Variants in HOXA7 observed in about 807,000 individuals in gnomAD.
HOXA7 encodes the protein homeobox protein Hox-A7.
Under a neutral mutation model 16.8 loss-of-function variants are expected in HOXA7, and 16 were observed. The observed-to-expected ratio is 0.95, with a 90% CI of 0.64 to 1.44. The LOEUF (loss-of-function observed/expected upper bound fraction) is 1.44, where lower values mean the gene tolerates loss of function less well. HOXA7 is among the 40% of genes most tolerant of loss of function. The probability of loss-of-function intolerance (pLI) is 0.00; values close to 1 mark genes in which losing one functional copy is unlikely to be tolerated. For synonymous variants in HOXA7, 169 were observed against 144.3 expected (o/e 1.17, Z -1.23); for missense variants, 379 against 328.6 (o/e 1.15, Z -1.19).
chr7:27,156,183 G>T lies in HOXA7; in HGVS notation c.363C>A (p.Pro121=). The T allele has an allele frequency of 1.9e-6, 3 of 1,576,234 alleles. No homozygotes were observed. The highest frequency in any genetic ancestry group is 2.3e-5 in the South Asian group (2 of 88,072). ...TGCGCCTACCTGAAGACCGCATCCA[G>T]GGGTAGATGCGGAAATTGGCCTCAG... ...GAAEANFRIY[P]WMRSSGPDRK... is the part of the protein sequence containing the mutation. Residue 121 remains proline (P), a synonymous_variant, in exon 1 of 2, where the codon CCC becomes CCA. Transcript: ENST00000242159.
Position 27,154,883 on chromosome 7 carries a change from T to G in HOXA7, c.*26A>C, listed in dbSNP as rs1301290587. 5.0e-6 allele frequency: 8 copies of G among 1,594,652 alleles called. No individual in the cohort carries two copies. Among genetic ancestry groups the G allele is most frequent in the Non-Finnish European group, 6.8e-6 (8 of 1,168,314 alleles). On this transcript the variant is annotated 3_prime_UTR_variant, in exon 2 of 2. Transcript: ENST00000242159. The stretch of plus-strand genomic sequence containing the variant: ...TAAAGACGCTTTTCCGACTGTCCGG[T>G]GCAGAGAGGGCCCCGGATCGGCCCC...
At position 27,156,573 on chromosome 7, in the gene HOXA7, C is replaced by A. The variant is rs1783114043; in HGVS notation, c.-28G>T. ...TTTTGACCTGTGATTTGTTGTCCGG[C>A]AGCTTTCAGTGTCGGTTTTACGAGG... On this transcript the variant is annotated 5_prime_UTR_variant, in exon 1 of 2. Transcript: ENST00000242159. 6.5e-7 allele frequency: 1 copy of A among 1,544,020 alleles called. No homozygotes were observed. The highest frequency in any genetic ancestry group is 8.7e-7 in the Non-Finnish European group (1 of 1,142,916).
chr7:27,156,093 C>CGCGCTCCCCAGCGCT (rs996182724), intron 1 of HOXA7, 74 bp downstream of exon 1: 5 of 1,376,796 alleles, frequency 3.6e-6, no homozygotes, highest in Non-Finnish European at 3.7e-6. Flanking sequence ...CCCCGCGCTC[C>CGCGCTCCCCAGCGCT]GCGCTCCCCA....
Position 27,156,332 on chromosome 7 carries a change from GGCC to G in HOXA7, c.211_213del (p.Gly71del). 1 of 1,614,026 alleles carries G rather than the reference GGCC, an allele frequency of 6.2e-7. No homozygotes were observed. Among genetic ancestry groups the G allele is most frequent in the Non-Finnish European group, 8.5e-7 (1 of 1,179,998 alleles). The stretch of plus-strand genomic sequence containing the variant: ...AGGTTGCCGTAGGCGTCGGCGCCCA[GGCC>G]GTAGCCGGACGCAAAGGGGCTCTGA... On this transcript the variant is annotated inframe_deletion, in exon 1 of 2. Transcript: ENST00000242159.
chr7:27,155,353 C>T (rs960695901), intron 1 of HOXA7, 131 bp from the exon 2 acceptor site: 6 of 841,206 alleles, frequency 7.1e-6, no homozygotes, highest in Non-Finnish European at 1.1e-5. Context: ...CTGCCCCAGG[C>T]CCCGAACTGA....
chr7:27,155,648 C>G (rs757198248), intron 1 of HOXA7: 2 of 198,896 alleles, frequency 1.0e-5, no homozygotes, highest in Non-Finnish European at 2.1e-5. Flanking sequence ...CCCTCATCCC[C>G]AGGACCTTCC....
In HOXA7 at chr7:27,155,089, C is replaced by G; in HGVS notation, c.513G>C (p.Glu171Asp). ...IEIAHALCLT[E>D]RQIKIWFQNR... is the part of the protein sequence containing the mutation. ...TCTGGAACCAGATCTTAATCTGGCG[C>G]TCGGTGAGGCAGAGCGCGTGGGCGA... Residue 171 changes from glutamate to aspartate, a missense_variant, in exon 2 of 2, where the codon GAG becomes GAC. Glu to Asp is a conservative substitution (Grantham distance 45). Transcript: ENST00000242159. 6.2e-7 allele frequency: 1 copy of G among 1,614,240 alleles called. No individual in the cohort carries two copies. Among genetic ancestry groups the G allele is most frequent in the Non-Finnish European group, 8.5e-7 (1 of 1,180,046 alleles).
intron 1 of HOXA7, 80 bp from the exon 2 acceptor site, chr7:27,155,302 C>T (rs1379209435): frequency 1.8e-5 from 23 of 1,309,768 alleles, no homozygotes; most frequent in Non-Finnish European, 2.5e-5. Flanking sequence ...TCCCAGAGCC[C>T]GCACCTTCCT....
At position 27,154,599 on chromosome 7, in the gene HOXA7, C is replaced by T. The variant is rs757394202; in HGVS notation, c.*310G>A. On this transcript the variant is annotated 3_prime_UTR_variant, in exon 2 of 2. Transcript: ENST00000242159. ...GGGGTGCCTCGAGCAGAGGCCTGTG[C>T]TAGGTAGTATTTTGGACGCGCCAGA... is the stretch of plus-strand genomic sequence containing the variant. The T allele has an allele frequency of 5.2e-6, 2 of 387,370 alleles. No homozygotes were observed. Among genetic ancestry groups the T allele is most frequent in the African/African-American group, 4.1e-5 (2 of 48,526 alleles). 24.0% of individuals were successfully genotyped at this position (387,370 alleles called of 1,614,324 possible).
Position 27,156,250 on chromosome 7 carries a change from C to T in HOXA7, c.296G>A (p.Gly99Asp), listed in dbSNP as rs1171656723. The change falls in exon 1 of 2, where the codon GGC (glycine) becomes GAC (aspartate). Residue 99 changes from glycine to aspartate, a missense_variant. Gly to Asp is a moderately conservative substitution (Grantham distance 94). Coordinates refer to ENST00000242159, the MANE Select transcript of HOXA7 (RefSeq NM_006896.4). The stretch of plus-strand genomic sequence containing the variant: ...GCCCTCGTCCGTCTTGTCGCAGGCG[C>T]CTTTGGCGAGGTCACTGCAGAGCCC... ...IPGLCSDLAK[G>D]ACDKTDEGAL... is the part of the protein sequence containing the mutation. 2 of 1,610,780 alleles carry T rather than the reference C, an allele frequency of 1.2e-6. No individual in the cohort carries two copies. The highest frequency in any genetic ancestry group is 4.5e-5 in the East Asian group (2 of 44,776).
chr7:27,154,756 T>C lies in HOXA7; in HGVS notation c.*153A>G. ...AGCTGGAGTAGGTGATGGGGGTGGG[T>C]AGAGTGCAGGTTGGGGACTGGGTTG... On this transcript the variant is annotated 3_prime_UTR_variant, in exon 2 of 2. Transcript: ENST00000242159. The C allele has an allele frequency of 9.1e-7, 1 of 1,094,666 alleles. No individual in the cohort carries two copies. The highest frequency in any genetic ancestry group is 1.3e-6 in the Non-Finnish European group (1 of 791,748). The allele number at this position is 1,094,666 out of a possible 1,614,324, so 67.8% of individuals were successfully genotyped here. A position where few individuals can be genotyped will look rare whatever the true frequency, so the allele number is the denominator to read the frequency against.
In HOXA7 at chr7:27,153,803, A is replaced by C. The variant is rs895112554; in HGVS notation, c.*1106T>G. ...GTGCCTTCCCTGAACCCCAGGATGG[A>C]GCTGAGCAGGGTACAGGACAACACA... On this transcript the variant is annotated 3_prime_UTR_variant, in exon 2 of 2. Transcript: ENST00000242159. 4 of 152,734 alleles carry C rather than the reference A, an allele frequency of 2.6e-5. No homozygotes were observed. In the South Asian group the frequency reaches 6.2e-4, roughly 24 times the overall value. The allele number at this position is 152,734 out of a possible 1,614,324, so 9.5% of individuals were successfully genotyped here.
Position 27,154,661 on chromosome 7 carries a change from G to T in HOXA7, c.*248C>A. 1 of 565,172 alleles carries T rather than the reference G, an allele frequency of 1.8e-6. No individual in the cohort carries two copies. The highest frequency in any genetic ancestry group is 3.0e-6 in the Non-Finnish European group (1 of 330,040). 35.0% of individuals were successfully genotyped at this position (565,172 alleles called of 1,614,324 possible). ...TGGCCTGGGGTTGGGGGTGTCTTTT[G>T]GGGTCCTCGGAGGCAGAGGGAATCC... On this transcript the variant is annotated 3_prime_UTR_variant, in exon 2 of 2. Transcript: ENST00000242159.
Position 27,154,835 on chromosome 7 carries a change from G to A in HOXA7, c.*74C>T. ...ATTTTCTTTTATTTTTCCCATTTTT[G>A]TAAGTAAAACCAGTGAGTCTCTTAA... is the stretch of plus-strand genomic sequence containing the variant. On this transcript the variant is annotated 3_prime_UTR_variant, in exon 2 of 2. Coordinates refer to ENST00000242159, the MANE Select transcript of HOXA7 (RefSeq NM_006896.4). The A allele has an allele frequency of 1.3e-6, 2 of 1,504,316 alleles. No homozygotes were observed. The highest frequency in any genetic ancestry group is 1.8e-6 in the Non-Finnish European group (2 of 1,128,744). 93.2% of individuals were successfully genotyped at this position (1,504,316 alleles called of 1,614,324 possible).
In HOXA7 at chr7:27,154,967, G is replaced by T. The variant is rs1423826860; in HGVS notation, c.635C>A (p.Ala212Asp). 1.2e-6 allele frequency: 2 copies of T among 1,613,368 alleles called. No individual in the cohort carries two copies. The highest frequency in any genetic ancestry group is 1.7e-6 in the Non-Finnish European group (2 of 1,179,406). The part of the protein sequence containing the change: ...GAVPSAAATA[A>D]ADKADEEDDD... ...GTCCTCCTCGTCGGCCTTGTCCGCGGCAGCAGTGGCGGCGGCAGAGGGCAC... is the reference window on the plus strand; with the variant it reads ...GTCCTCCTCGTCGGCCTTGTCCGCGTCAGCAGTGGCGGCGGCAGAGGGCAC... Residue 212 changes from alanine to aspartate, a missense_variant, in exon 2 of 2, where the codon GCC becomes GAC. Ala to Asp is a moderately radical substitution (Grantham distance 126, BLOSUM62 -2). Coordinates refer to ENST00000242159, the MANE Select transcript of HOXA7 (RefSeq NM_006896.4).
rs757685035 is a variant in HOXA7 at position 27,156,327 on chromosome 7, G to A, written c.219C>T (p.Gly73=). Residue 73 remains glycine, a synonymous_variant, in exon 1 of 2, where the codon GGC becomes GGT. Transcript: ENST00000242159. ...QSPFASGYGL[G]ADAYGNLPCA... is the part of the protein sequence containing the mutation. ...AGGGCAGGTTGCCGTAGGCGTCGGC[G>A]CCCAGGCCGTAGCCGGACGCAAAGG... 3.7e-6 allele frequency: 6 copies of A among 1,614,012 alleles called. No individual in the cohort carries two copies. In the South Asian group the frequency reaches 4.4e-5, roughly 12 times the overall value.
chr7:27,154,683 A>C lies in HOXA7; in HGVS notation c.*226T>G. 1 of 624,328 alleles carries C rather than the reference A, an allele frequency of 1.6e-6. No individual in the cohort carries two copies. The highest frequency in any genetic ancestry group is 2.6e-6 in the Non-Finnish European group (1 of 379,012). 38.7% of individuals were successfully genotyped at this position (624,328 alleles called of 1,614,324 possible). Reference sequence around the variant, plus strand: ...TTTGGGGTCCTCGGAGGCAGAGGGAATCCAAGGCGACCCAGTCTCTGCGGC... The same window carrying C: ...TTTGGGGTCCTCGGAGGCAGAGGGACTCCAAGGCGACCCAGTCTCTGCGGC... On this transcript the variant is annotated 3_prime_UTR_variant, in exon 2 of 2. Transcript: ENST00000242159.
intron 1 of HOXA7, chr7:27,155,632 C>T (rs1783092500): frequency 4.7e-6 from 1 of 211,920 alleles, no homozygotes; most frequent in African/African-American, 2.3e-5. Context: ...TTCCCAGCAG[C>T]CTGAGCCCTC....
intron 1 of HOXA7, 157 bp from the exon 2 acceptor site, chr7:27,155,379 G>A: frequency 2.9e-6 from 2 of 680,616 alleles, no homozygotes; most frequent in South Asian, 3.7e-5. Context: ...GGGAGGAGGG[G>A]GAGTGTTAGG....
Sources: gnomAD v4.1 joint callset for allele counts on GRCh38, gnomAD v4.1.1 for gene constraint, MANE v1.5 for transcripts, NCBI Gene and HGNC (gene_info 2026-07-23, HGNC 2026-07-21) for gene names.